Variants in UBE2R2 observed in about 807,000 individuals in gnomAD.
UBE2R2 encodes the protein ubiquitin conjugating enzyme E2 R2, also known as ubiquitin-conjugating enzyme E2 R2.
A neutral mutation model predicts 27.8 loss-of-function variants in UBE2R2; 1 was observed. The ratio of observed to expected loss-of-function variants is 0.04; its 90% CI spans 0.01 to 0.17. The LOEUF (loss-of-function observed/expected upper bound fraction) is 0.17, where lower values mean the gene tolerates loss of function less well. Among genes scored for constraint, UBE2R2 ranks in the 10% least tolerant of loss-of-function variants. The pLI is 1.00. For missense variants in UBE2R2, 100 were observed against 291.0 expected, an observed-to-expected ratio of 0.34 and a Z score of 4.78; for synonymous variants, 106 against 113.3, an observed-to-expected ratio of 0.94 and a Z score of 0.41.
At chr9:33,849,544 T>G (rs1820918620) in intron 1 of UBE2R2, among the ~76,000 whole-genome samples, 1 of 151,968 alleles carries the variant, frequency 6.6e-6, no homozygotes, top group Non-Finnish European at 1.5e-5. Context: ...TTGTTGATAA[T>G]AACTGCCTCA....
intron 1 of UBE2R2, among the ~76,000 whole-genome samples, chr9:33,834,973 A>G (rs1320198062): frequency 6.6e-6 from 1 of 151,962 alleles, no homozygotes; most frequent in Non-Finnish European, 1.5e-5. Context: ...ATAGAAAAAG[A>G]GAGAAATTAC....
chr9:33,903,648 A>G (rs2130813057), intron 3 of UBE2R2, among the ~76,000 whole-genome samples: 1 of 152,280 alleles, frequency 6.6e-6, no homozygotes, highest in Admixed American at 6.5e-5. Context: ...CCTACTTCTC[A>G]TGTAATCCAG....
At chr9:33,847,639 A>G (rs549654145) in intron 1 of UBE2R2, among the ~76,000 whole-genome samples, 1 of 151,702 alleles carries the variant, frequency 6.6e-6, no homozygotes, top group East Asian at 1.9e-4. Context: ...TCTCTTCTTC[A>G]TTAACCTACG....
chr9:33,912,602 C>T (rs144653987), intron 4 of UBE2R2, among the ~76,000 whole-genome samples: 2,406 of 149,132 alleles, frequency 0.016, 58 homozygotes, highest in African/African-American at 0.056. Context: ...CCAGCCTGGG[C>T]GACAGTGCGA....
chr9:33,828,001 T>G (rs557008002), intron 1 of UBE2R2, among the ~76,000 whole-genome samples: 1 of 150,608 alleles, frequency 6.6e-6, no homozygotes, highest in African/African-American at 2.4e-5. Context: ...TAAAATAAAT[T>G]AATAAAATTA....
At chr9:33,898,689 T>C (rs769205413) in intron 2 of UBE2R2, among the ~76,000 whole-genome samples, 13 of 152,188 alleles carry the variant, frequency 8.5e-5, no homozygotes, top group Admixed American at 1.3e-4. Context: ...CAGGAGTTAG[T>C]GGCTGCAGTG....
intron 3 of UBE2R2, among the ~76,000 whole-genome samples, chr9:33,910,295 C>T (rs1354190748): frequency 1.3e-5 from 2 of 151,920 alleles, no homozygotes; most frequent in African/African-American, 4.8e-5. Context: ...ATTACAGGCG[C>T]CTGCTACCAC....
intron 3 of UBE2R2, among the ~76,000 whole-genome samples, chr9:33,906,857 C>T (rs1478932523): frequency 6.6e-6 from 1 of 152,050 alleles, no homozygotes; most frequent in Non-Finnish European, 1.5e-5. Context: ...GGCAACATGA[C>T]GAGATTCCAT....
At chr9:33,832,864 A>G (rs951761118) in intron 1 of UBE2R2, among the ~76,000 whole-genome samples, 10 of 152,180 alleles carry the variant, frequency 6.6e-5, no homozygotes, top group Admixed American at 3.3e-4. Context: ...GAATTTTGAT[A>G]AATGTATAGT....
intron 1 of UBE2R2, among the ~76,000 whole-genome samples, chr9:33,864,961 T>C (rs1040805909): frequency 3.9e-5 from 6 of 151,996 alleles, no homozygotes; most frequent in African/African-American, 9.7e-5. Flanking sequence ...TGACCTCAGG[T>C]GATCTGCCCA....
intron 1 of UBE2R2, among the ~76,000 whole-genome samples, chr9:33,858,505 C>T (rs1291188223): frequency 6.6e-6 from 1 of 152,064 alleles, no homozygotes; most frequent in Non-Finnish European, 1.5e-5. Flanking sequence ...GCTACGACCT[C>T]CCAGGCTCAA....
intron 1 of UBE2R2, among the ~76,000 whole-genome samples, chr9:33,873,205 T>C (rs1174126747): frequency 7.0e-6 from 1 of 142,216 alleles, no homozygotes; most frequent in Non-Finnish European, 1.5e-5. Context: ...AAAGATCTAA[T>C]ATCATAGATA....
chr9:33,886,001 T>C (rs1290905827), intron 1 of UBE2R2, among the ~76,000 whole-genome samples: 1 of 152,178 alleles, frequency 6.6e-6, no homozygotes, highest in East Asian at 1.9e-4. Context: ...TGGAGTATAA[T>C]GCAGATACTG....
chr9:33,874,892 C>G (rs1209085052), intron 1 of UBE2R2, among the ~76,000 whole-genome samples: 1 of 152,086 alleles, frequency 6.6e-6, no homozygotes. Context: ...GTTTTGAACT[C>G]CTGGGCTCAA....
intron 1 of UBE2R2, among the ~76,000 whole-genome samples, chr9:33,820,500 C>T (rs1031540247): frequency 7.9e-5 from 12 of 152,166 alleles, no homozygotes; most frequent in Non-Finnish European, 1.6e-4. Flanking sequence ...AATTTATGGT[C>T]ATGAGCAGTT....
intron 1 of UBE2R2, among the ~76,000 whole-genome samples, chr9:33,835,595 G>C (rs1369519971): frequency 2.6e-5 from 4 of 152,014 alleles, no homozygotes; most frequent in Non-Finnish European, 5.9e-5. Flanking sequence ...TTTTGAGACA[G>C]AGTTGGCCAG....
chr9:33,820,535 A>G (rs1167098996), intron 1 of UBE2R2, among the ~76,000 whole-genome samples: 1 of 152,202 alleles, frequency 6.6e-6, no homozygotes, highest in Non-Finnish European at 1.5e-5. Context: ...GTTTAAAACC[A>G]TTGTTTTTAT....
At chr9:33,884,527 C>G (rs1452506067) in intron 1 of UBE2R2, among the ~76,000 whole-genome samples, 1 of 152,062 alleles carries the variant, frequency 6.6e-6, no homozygotes, top group Non-Finnish European at 1.5e-5. Flanking sequence ...ATCCACCTGC[C>G]TGAGCCTTCC....
In UBE2R2 at chr9:33,903,958, C is replaced by G. The variant is rs915895595; in HGVS notation, c.362+3687C>G. On this transcript the variant is annotated intron_variant, in intron 3 of 4. Transcript: ENST00000263228. ...TTCTTAGACTTTTTATCACTTAGTT[C>G]TATGTAATCATTGGGTAGTCCTTCA... is the stretch of plus-strand genomic sequence containing the variant. 1.1e-4 allele frequency among the ~76,000 whole-genome samples: 17 copies of G among 152,222 alleles called. No homozygotes were observed. In the East Asian group the frequency reaches 3.3e-3, roughly 29 times the overall value.
Sources: gnomAD v4.1 joint callset for allele counts (sites outside exome capture counted in the v4.1 genomes callset) on GRCh38, gnomAD v4.1.1 for gene constraint, MANE v1.5 for transcripts, NCBI Gene and HGNC (gene_info 2026-07-23, HGNC 2026-07-21) for gene names.